COL13A1: variants seen among roughly 807,000 people sequenced by gnomAD.
COL13A1 encodes collagen alpha-1(XIII) chain.
COL13A1 carries 89 observed loss-of-function variants against 130.9 expected under a neutral mutation model. The observed-to-expected ratio is 0.68, with a 90% CI of 0.57 to 0.81. The LOEUF (loss-of-function observed/expected upper bound fraction) is 0.81. Ranked by LOEUF, COL13A1 falls within the 30% of genes least tolerant of loss-of-function variation. COL13A1 has a pLI of 0.00. For synonymous variants in COL13A1, 402 were observed against 341.6 expected, an observed-to-expected ratio of 1.18 and a Z score of -1.95; for missense variants, 879 against 934.6, an observed-to-expected ratio of 0.94 and a Z score of 0.78.
chr10:69,902,271 G>A (rs2062260397), intron 14 of COL13A1, among the ~76,000 whole-genome samples: 1 of 152,240 alleles, frequency 6.6e-6, no homozygotes, highest in African/African-American at 2.4e-5. Context: ...GTCAGATAAA[G>A]ACAGCAAAAA....
At chr10:69,891,914 G>A (rs2134693852) in intron 10 of COL13A1, among the ~76,000 whole-genome samples, 1 of 152,268 alleles carries the variant, frequency 6.6e-6, no homozygotes. Context: ...TCAGACCCAT[G>A]CAGTGGAGTC....
intron 2 of COL13A1, among the ~76,000 whole-genome samples, chr10:69,835,833 TAAC>T (rs1052837160): frequency 4.0e-4 from 61 of 152,346 alleles, no homozygotes; most frequent in African/African-American, 1.4e-3. Flanking sequence ...TTAGTAATGA[TAAC>T]AACAACATCT....
chr10:69,834,765 G>T (rs2133051417), intron 2 of COL13A1, among the ~76,000 whole-genome samples: 1 of 152,284 alleles, frequency 6.6e-6, no homozygotes, highest in Non-Finnish European at 1.5e-5. Flanking sequence ...TCAAAGTTCT[G>T]TTTGGGACAA....
At position 69,936,640 on chromosome 10, in the gene COL13A1, C is replaced by T. The variant is rs2066959168; in HGVS notation, c.1771-116C>T. 8 of 1,235,220 alleles carry T rather than the reference C, an allele frequency of 6.5e-6. No individual in the cohort carries two copies. The South Asian group carries it at 9.4e-5, about 15-fold the overall frequency. 76.5% of individuals were successfully genotyped at this position (1,235,220 alleles called of 1,614,324 possible). Reference sequence around the variant, plus strand: ...TCTTTCTACCTCTCATGGGCAGGGACCCCAAACCATACTCTGCACCCAAAA... The same window carrying T: ...TCTTTCTACCTCTCATGGGCAGGGATCCCAAACCATACTCTGCACCCAAAA... On this transcript the variant is annotated intron_variant, in intron 32 of 40. Transcript: ENST00000645393.
chr10:69,905,512 G>A (rs1028500287), intron 16 of COL13A1, among the ~76,000 whole-genome samples: 2 of 152,130 alleles, frequency 1.3e-5, no homozygotes, highest in African/African-American at 4.8e-5. Flanking sequence ...ATAGAATCAG[G>A]TCTCCTGGGT....
intron 17 of COL13A1, among the ~76,000 whole-genome samples, chr10:69,912,639 T>A (rs1171965407): frequency 7.1e-6 from 1 of 141,016 alleles, no homozygotes; most frequent in African/African-American, 2.6e-5. Context: ...TGCCACCAGA[T>A]GCATTTGCTC....
intron 2 of COL13A1, among the ~76,000 whole-genome samples, chr10:69,845,809 A>G (rs137874411): frequency 1.1e-3 from 161 of 152,322 alleles, no homozygotes; most frequent in African/African-American, 3.7e-3. Flanking sequence ...GACCTACAAC[A>G]TCAGAATCTC....
At chr10:69,871,127 C>T (rs950717183) in intron 3 of COL13A1, among the ~76,000 whole-genome samples, 1 of 151,986 alleles carries the variant, frequency 6.6e-6, no homozygotes, top group Non-Finnish European at 1.5e-5. Context: ...ACTTCTCAGC[C>T]CACTCTGTGA....
chr10:69,836,191 C>T (rs911373227), intron 2 of COL13A1, among the ~76,000 whole-genome samples: 14 of 152,212 alleles, frequency 9.2e-5, no homozygotes, highest in Admixed American at 7.2e-4. Flanking sequence ...AGCCCACAGT[C>T]CAGGAAGGGG....
chr10:69,917,819 G>C (rs1353128154), intron 18 of COL13A1, among the ~76,000 whole-genome samples: 1 of 152,060 alleles, frequency 6.6e-6, no homozygotes, highest in African/African-American at 2.4e-5. Context: ...AACACTGGGG[G>C]CGACTGTCCC....
intron 25 of COL13A1, 103 bp from the exon 26 acceptor site, chr10:69,925,701 T>C: frequency 1.3e-6 from 1 of 798,744 alleles, no homozygotes. Context: ...TCCACCCATG[T>C]GCAGCTAGGT....
intron 1 of COL13A1, among the ~76,000 whole-genome samples, 195 bp from the exon 2 acceptor site, chr10:69,822,174 A>T (rs1428013484): frequency 6.6e-6 from 1 of 152,172 alleles, no homozygotes; most frequent in Non-Finnish European, 1.5e-5. Context: ...GATTACCGGG[A>T]TGGGCTTTCT....
At chr10:69,816,300 A>C (rs1202198909) in intron 1 of COL13A1, among the ~76,000 whole-genome samples, 1 of 150,078 alleles carries the variant, frequency 6.7e-6, no homozygotes, top group Non-Finnish European at 1.5e-5. Flanking sequence ...ATCAATGATA[A>C]TTGTGAGGTT....
intron 24 of COL13A1, 85 bp from the exon 25 acceptor site, chr10:69,924,878 G>T (rs2065144859): frequency 2.2e-6 from 3 of 1,358,760 alleles, no homozygotes; most frequent in South Asian, 1.6e-5. Context: ...GAGCCTCCTG[G>T]CCCTTATCAC....
intron 40 of COL13A1, among the ~76,000 whole-genome samples, chr10:69,958,397 C>T (rs1196811167): frequency 6.6e-6 from 1 of 152,204 alleles, no homozygotes; most frequent in Non-Finnish European, 1.5e-5. Flanking sequence ...TCATTCACAC[C>T]TTAAGTCCAA....
rs151121437 is a variant in COL13A1, at chr10:69,940,604, A to G, written c.1879-384A>G. ...GTGAAACCTGTCCTGGGAAGGGTGC[A>G]CAGCTCTGATTCCAAGACATCTCTC... is the stretch of plus-strand genomic sequence containing the variant. On this transcript the variant is annotated intron_variant, in intron 34 of 40. Transcript: ENST00000645393. Among the ~76,000 whole-genome samples the G allele has an allele frequency of 5.4e-3, 825 of 152,220 alleles. 10 individuals carry two copies. The highest frequency in any genetic ancestry group is 0.015 in the African/African-American group (619 of 41,528).
chr10:69,864,292 C>T (rs1476349453), intron 2 of COL13A1, among the ~76,000 whole-genome samples: 3 of 147,974 alleles, frequency 2.0e-5, no homozygotes, highest in East Asian at 2.1e-4. Context: ...CTATGTCTGC[C>T]GCATAATGAG....
intron 17 of COL13A1, among the ~76,000 whole-genome samples, chr10:69,910,205 T>TA (rs1231707823): frequency 6.6e-6 from 1 of 151,864 alleles, no homozygotes. Context: ...GAGTAAGGCC[T>TA]ACGGAGGAGG....
intron 1 of COL13A1, among the ~76,000 whole-genome samples, chr10:69,815,455 C>A (rs1844224738): frequency 6.6e-6 from 1 of 152,136 alleles, no homozygotes; most frequent in South Asian, 2.1e-4. Flanking sequence ...CCAGCAGGGG[C>A]AAAACAGGAA....
Sources: gnomAD v4.1 joint callset for allele counts (sites outside exome capture counted in the v4.1 genomes callset) on GRCh38, gnomAD v4.1.1 for gene constraint, MANE v1.5 for transcripts, NCBI Gene and HGNC (gene_info 2026-07-23, HGNC 2026-07-21) for gene names.